The following G2E3 variants were observed in gnomAD, a reference collection of about 807,000 sequenced individuals.
G2E3 encodes G2/M-phase specific E3 ubiquitin protein ligase.
Under a neutral mutation model 92.8 loss-of-function variants are expected in G2E3, and 35 were observed. The ratio of observed to expected loss-of-function variants is 0.38; its 90% CI spans 0.29 to 0.50. The LOEUF is 0.50. Ranked by LOEUF, G2E3 falls within the 20% of genes least tolerant of loss-of-function variation. The pLI, the probability that G2E3 is intolerant of heterozygous loss-of-function variation, is 0.94. For missense variants in G2E3, 554 were observed against 823.8 expected, an observed-to-expected ratio of 0.67 and a Z score of 4.01; for synonymous variants, 242 against 272.4, an observed-to-expected ratio of 0.89 and a Z score of 1.10.
intron 1 of G2E3, among the ~76,000 whole-genome samples, chr14:30,575,377 CAAAAT>C (rs749401153): frequency 6.6e-6 from 1 of 152,022 alleles, no homozygotes; most frequent in Non-Finnish European, 1.5e-5. Context: ...GAACATACCT[CAAAAT>C]AATAAGAGCC....
intron 12 of G2E3, chr14:30,611,873 A>G (rs928541036): frequency 2.4e-4 from 41 of 169,442 alleles, no homozygotes; most frequent in African/African-American, 8.9e-4. Flanking sequence ...GATGTTCTTG[A>G]ACTTCTGGCC....
At chr14:30,609,028 A>G (rs557372056) in intron 12 of G2E3, among the ~76,000 whole-genome samples, 2 of 152,152 alleles carry the variant, frequency 1.3e-5, no homozygotes, top group African/African-American at 4.8e-5. Flanking sequence ...TTGAATGCCA[A>G]CTCTTATAAC....
At chr14:30,574,551 C>T (rs1299231976) in intron 1 of G2E3, 1 of 151,534 alleles carries the variant, frequency 6.6e-6, no homozygotes, top group Admixed American at 6.6e-5. Context: ...CAATAGTTAT[C>T]TTTTCTGCTC....
Position 30,616,418 on chromosome 14 carries a change from T to A in G2E3, c.2005T>A (p.Cys669Ser). 5 of 1,612,520 alleles carry A rather than the reference T, an allele frequency of 3.1e-6. No homozygotes were observed. The highest frequency in any genetic ancestry group is 4.2e-6 in the Non-Finnish European group (5 of 1,178,762). ...TCCTGTTGGAAACAAGTGTAATAAC[T>A]GTTTAGCAATTCCCATCACCAATAC... ...DFPVGNKCNN[C>S]LAIPITNTYK... is the part of the protein sequence containing the mutation. Residue 669 changes from cysteine (C) to serine (S), a missense_variant, in exon 15 of 15, where the codon TGT becomes AGT. This residue lies in a region of G2E3 where 397 missense variants were observed against 560.3 expected (regional missense o/e 0.71). Transcript: ENST00000206595.
intron 1 of G2E3, among the ~76,000 whole-genome samples, chr14:30,577,997 A>AT (rs894341975): frequency 1.3e-4 from 20 of 151,592 alleles, no homozygotes; most frequent in Middle Eastern, 3.4e-3. Flanking sequence ...CTTAGATATT[A>AT]TTTTTTTTTA....
At chr14:30,566,298 T>A (rs189502774) in intron 1 of G2E3, among the ~76,000 whole-genome samples, 2 of 152,340 alleles carry the variant, frequency 1.3e-5, no homozygotes, top group East Asian at 3.9e-4. Context: ...ATCGGGATTT[T>A]GACAGGAATT....
intron 4 of G2E3, chr14:30,590,481 G>A (rs1309483103): frequency 2.4e-5 from 8 of 337,712 alleles, no homozygotes; most frequent in Non-Finnish European, 4.7e-5. Context: ...CTAAAATAAT[G>A]TTCTCTTTGT....
chr14:30,578,119 G>T (rs1880223589), intron 1 of G2E3, among the ~76,000 whole-genome samples: 1 of 151,948 alleles, frequency 6.6e-6, no homozygotes, highest in African/African-American at 2.4e-5. Flanking sequence ...CTAAGGTTTT[G>T]TTTTGGAGAC....
In G2E3 at chr14:30,593,556, G is replaced by A; in HGVS notation, c.445G>A (p.Glu149Lys). The A allele has an allele frequency of 6.3e-7, 1 of 1,593,140 alleles. No homozygotes were observed. The highest frequency in any genetic ancestry group is 8.6e-7 in the Non-Finnish European group (1 of 1,161,590). ...RESLPCTICL[E>K]FIEPIPSYNI... Reference sequence around the variant, plus strand: ...GTCCTTACCATGCACCATTTGCTTGGAATTTATTGAGCCTATTCCAAGTTA... The same window carrying A: ...GTCCTTACCATGCACCATTTGCTTGAAATTTATTGAGCCTATTCCAAGTTA... The change falls in exon 6 of 15, where the codon GAA (glutamate) becomes AAA (lysine). Residue 149 changes from glutamate (E) to lysine (K), a missense_variant. By Grantham distance (56) the Glu-to-Lys change is moderately conservative (BLOSUM62 1). Transcript: ENST00000206595.
At chr14:30,612,476 G>A (rs1594514375) in intron 13 of G2E3, 97 bp downstream of exon 13, 3 of 772,014 alleles carry the variant, frequency 3.9e-6, no homozygotes, top group South Asian at 2.2e-5. Context: ...TAAGTGAGAT[G>A]TTTTTCTCAG....
intron 13 of G2E3, among the ~76,000 whole-genome samples, chr14:30,613,162 AT>A (rs1882171007): frequency 1.3e-5 from 2 of 152,138 alleles, no homozygotes; most frequent in African/African-American, 4.8e-5. Context: ...TTTTTAAACA[AT>A]GGAAATACAC....
chr14:30,566,561 T>C (rs141018669), intron 1 of G2E3, among the ~76,000 whole-genome samples: 1 of 152,238 alleles, frequency 6.6e-6, no homozygotes, highest in Non-Finnish European at 1.5e-5. Context: ...GAAATACAAC[T>C]GATATTTGTG....
intron 2 of G2E3, 104 bp downstream of exon 2, chr14:30,581,220 T>C: frequency 1.4e-6 from 1 of 704,626 alleles, no homozygotes; most frequent in Admixed American, 2.2e-5. Context: ...CAAGCTTAGT[T>C]TGTATGTCCA....
chr14:30,579,230 G>A (rs1880291924), intron 1 of G2E3, among the ~76,000 whole-genome samples: 1 of 152,148 alleles, frequency 6.6e-6, no homozygotes, highest in South Asian at 2.1e-4. Context: ...GTTGTGGAGA[G>A]GAGCTAGGAA....
chr14:30,576,336 G>A (rs564876817), intron 1 of G2E3, among the ~76,000 whole-genome samples: 128 of 152,282 alleles, frequency 8.4e-4, no homozygotes, highest in African/African-American at 3.0e-3. Context: ...ATTGAAGCTG[G>A]ACCCCTTCCT....
chr14:30,605,565 T>TA lies in G2E3; in HGVS notation c.1081dup (p.Thr361AsnfsTer2), dbSNP rs751355614. The TA allele has an allele frequency of 0.018, 22,723 of 1,261,530 alleles. No homozygotes were observed. Among genetic ancestry groups the TA allele is most frequent in the Non-Finnish European group, 0.02 (18,458 of 922,912 alleles). 78.1% of individuals were successfully genotyped at this position (1,261,530 alleles called of 1,614,324 possible). On this transcript the variant is annotated frameshift_variant, in exon 11 of 15. Coordinates refer to ENST00000206595, the MANE Select transcript of G2E3 (RefSeq NM_017769.5). LOFTEE classifies it high-confidence loss of function. ...TATTAATAGAGTTAGGATTCCAAAT[T>TA]AAAAAAAAAACTAAAAGATTGTATA...
intron 1 of G2E3, among the ~76,000 whole-genome samples, chr14:30,576,116 CTA>C (rs1308302835): frequency 6.6e-6 from 1 of 152,194 alleles, no homozygotes; most frequent in Non-Finnish European, 1.5e-5. Flanking sequence ...CATCTTCAAA[CTA>C]TACTACAAGG....
rs1879062028 is a variant in G2E3, at chr14:30,560,951, A to T, written c.-5+1679A>T. ...CTGGGGCCAGATTGCCTTGGTTTGA[A>T]GCCCATCTCCACCACTTGATAGCTA... On this transcript the variant is annotated intron_variant, in intron 1 of 14. Coordinates refer to ENST00000206595, the MANE Select transcript of G2E3 (RefSeq NM_017769.5). 3 of 614,890 alleles carry T rather than the reference A, an allele frequency of 4.9e-6. No homozygotes were observed. In the South Asian group the frequency reaches 5.8e-5, roughly 12 times the overall value. 38.1% of individuals were successfully genotyped at this position (614,890 alleles called of 1,614,324 possible).
chr14:30,563,346 C>G (rs1409424921), intron 1 of G2E3, among the ~76,000 whole-genome samples: 1 of 152,120 alleles, frequency 6.6e-6, no homozygotes, highest in Non-Finnish European at 1.5e-5. Flanking sequence ...TTCTCATGAC[C>G]AGTAGGTAGG....
Sources: gnomAD v4.1 joint callset for allele counts (sites outside exome capture counted in the v4.1 genomes callset) on GRCh38, gnomAD v4.1.1 for gene constraint, gnomAD v4.1.1 regional missense constraint, MANE v1.5 for transcripts, NCBI Gene and HGNC (gene_info 2026-07-23, HGNC 2026-07-21) for gene names.